SLC25A40: variants seen among roughly 807,000 people sequenced by gnomAD.
SLC25A40 encodes the protein solute carrier family 25 member 40.
In SLC25A40, 41 loss-of-function variants were observed where a neutral mutation model predicts 46.5. That is an observed-to-expected ratio of 0.88 (90% CI 0.69 to 1.14). The LOEUF (loss-of-function observed/expected upper bound fraction) is 1.14, where lower values mean the gene tolerates loss of function less well. SLC25A40 is among the 50% of genes most tolerant of loss of function. The pLI, the probability that SLC25A40 is intolerant of heterozygous loss-of-function variation, is 0.00. For synonymous variants in SLC25A40, 126 were observed against 127.5 expected (o/e 0.99, Z 0.08); for missense variants, 386 against 393.6 (o/e 0.98, Z 0.16).
Position 87,835,048 on chromosome 7 carries a change from C to T in SLC25A40, c.*1201G>A, listed in dbSNP as rs1365167907. On this transcript the variant is annotated 3_prime_UTR_variant, in exon 12 of 12. Coordinates refer to ENST00000341119, the MANE Select transcript of SLC25A40 (RefSeq NM_018843.4). ...TTTTAGGGGAGAAAAAAATGCTTCA[C>T]ATTTTTCTAAAATAAAGACTGCAAT... 1.3e-5 allele frequency: 2 copies of T among 151,178 alleles called. No homozygotes were observed. Among genetic ancestry groups the T allele is most frequent in the African/African-American group, 4.8e-5 (2 of 41,302 alleles). 9.4% of individuals were successfully genotyped at this position (151,178 alleles called of 1,614,324 possible).
chr7:87,843,594 G>C (rs192837396), intron 9 of SLC25A40, among the ~76,000 whole-genome samples, 160 bp downstream of exon 9: 53 of 152,038 alleles, frequency 3.5e-4, no homozygotes, highest in Middle Eastern at 3.4e-3. Context: ...TATTTTATTT[G>C]CTAATAATTT....
intron 10 of SLC25A40, among the ~76,000 whole-genome samples, chr7:87,837,739 G>T (rs1838276928): frequency 6.6e-6 from 1 of 150,746 alleles, no homozygotes; most frequent in African/African-American, 2.4e-5. Flanking sequence ...TAAGAACCAG[G>T]CACACTACCA....
chr7:87,846,567 C>G (rs17251889), intron 8 of SLC25A40, among the ~76,000 whole-genome samples: 2,287 of 152,174 alleles, frequency 0.015, 28 homozygotes, highest in Non-Finnish European at 0.024. Flanking sequence ...AAAGTAGGAG[C>G]CCATATAATT....
intron 1 of SLC25A40, among the ~76,000 whole-genome samples, chr7:87,867,159 A>G (rs768849029): frequency 4.2e-4 from 64 of 152,240 alleles, no homozygotes; most frequent in Non-Finnish European, 6.9e-4. Context: ...ATCTTTCTCA[A>G]GTTTGGGAAA....
chr7:87,862,685 C>A lies in SLC25A40; in HGVS notation c.-93-2045G>T, dbSNP rs138769635. On this transcript the variant is annotated intron_variant, in intron 1 of 11. Coordinates refer to ENST00000341119, the MANE Select transcript of SLC25A40 (RefSeq NM_018843.4). ...TTTACCTTCTGTATTAGTCTGTTTT[C>A]ACACTACTGATAAAGACATACCCAA... is the stretch of plus-strand genomic sequence containing the variant. Among the ~76,000 whole-genome samples the A allele has an allele frequency of 6.9e-3, 1,055 of 152,266 alleles. 12 individuals are homozygous for A. Among genetic ancestry groups the A allele is most frequent in the African/African-American group, 0.023 (975 of 41,546 alleles).
intron 1 of SLC25A40, among the ~76,000 whole-genome samples, chr7:87,873,049 T>C (rs143738689): frequency 6.6e-6 from 1 of 152,310 alleles, no homozygotes; most frequent in Non-Finnish European, 1.5e-5. Context: ...AGTGAGACTA[T>C]GAAATGTGAA....
At chr7:87,852,697 T>G (rs947425037) in intron 5 of SLC25A40, among the ~76,000 whole-genome samples, 10 of 152,122 alleles carry the variant, frequency 6.6e-5, no homozygotes, top group African/African-American at 2.4e-4. Flanking sequence ...TGGAACAGAA[T>G]AGAAAACTCA....
At position 87,859,243 on chromosome 7, in the gene SLC25A40, G is replaced by T. The variant is rs547677581; in HGVS notation, c.-24-492C>A. ...GCCGAGGCGGGCGCATCATGAGGTC[G>T]GGAGATCGAGACCAACCTGGCTAAC... On this transcript the variant is annotated intron_variant, in intron 2 of 11. Coordinates refer to ENST00000341119, the MANE Select transcript of SLC25A40 (RefSeq NM_018843.4). Among the ~76,000 whole-genome samples the T allele has an allele frequency of 4.6e-5, 7 of 151,818 alleles. No homozygotes were observed. The South Asian group carries it at 8.3e-4, about 18-fold the overall frequency.
intron 5 of SLC25A40, 68 bp from the exon 6 acceptor site, chr7:87,850,016 G>T: frequency 2.1e-6 from 2 of 955,464 alleles, no homozygotes; most frequent in East Asian, 2.9e-5. Flanking sequence ...AATTTATACT[G>T]ATGATTGGTA....
At chr7:87,840,465 T>G (rs1838315865) in intron 10 of SLC25A40, among the ~76,000 whole-genome samples, 1 of 151,764 alleles carries the variant, frequency 6.6e-6, no homozygotes, top group Non-Finnish European at 1.5e-5. Context: ...ATTCCCATCT[T>G]TTCCCTTATC....
intron 5 of SLC25A40, among the ~76,000 whole-genome samples, chr7:87,852,186 C>G (rs1454699465): frequency 6.6e-6 from 1 of 152,064 alleles, no homozygotes; most frequent in Admixed American, 6.6e-5. Context: ...CCAATAAATA[C>G]CCTGGCAATA....
At chr7:87,852,190 G>A (rs10276819) in intron 5 of SLC25A40, among the ~76,000 whole-genome samples, 21,696 of 152,036 alleles carry the variant, frequency 0.14, 2,514 homozygotes, top group African/African-American at 0.32. Flanking sequence ...TAAATACCCT[G>A]GCAATATTTT....
At chr7:87,849,780 G>A in intron 6 of SLC25A40, 101 bp downstream of exon 6, 3 of 802,944 alleles carry the variant, frequency 3.7e-6, no homozygotes, top group Non-Finnish European at 5.7e-6. Context: ...GAAAATGAAA[G>A]CATTCTAATA....
At position 87,836,753 on chromosome 7, in the gene SLC25A40, T is replaced by C. The variant is rs139396104; in HGVS notation, c.881A>G (p.Asn294Ser). The C allele has an allele frequency of 1.9e-6, 3 of 1,549,828 alleles. No homozygotes were observed. The highest frequency in any genetic ancestry group is 8.7e-7 in the Non-Finnish European group (1 of 1,151,928). The change falls in exon 11 of 12, where the codon AAT (asparagine) becomes AGT (serine). Residue 294 changes from asparagine to serine, a missense_variant. Coordinates refer to ENST00000341119, the MANE Select transcript of SLC25A40 (RefSeq NM_018843.4). ...ACCTGAAAATAATCCGGAAAATCCA[T>C]TTTTAGCAACAATGTTCTTCATTAT... Reference protein sequence around the residue: ...WIIMKNIVAKNGFSGLFSGLI... With the variant: ...WIIMKNIVAKSGFSGLFSGLI...
intron 10 of SLC25A40, among the ~76,000 whole-genome samples, chr7:87,839,530 T>C (rs982863661): frequency 2.0e-5 from 3 of 151,412 alleles, no homozygotes; most frequent in Non-Finnish European, 4.4e-5. Flanking sequence ...ACAAGTAAAT[T>C]TGGGCCAGGT....
chr7:87,862,061 C>G (rs929748661), intron 1 of SLC25A40, among the ~76,000 whole-genome samples: 3 of 152,014 alleles, frequency 2.0e-5, no homozygotes, highest in African/African-American at 7.2e-5. Context: ...CTTGGGAGTA[C>G]AGGTAGAAAA....
chr7:87,854,578 C>T (rs895645750), intron 4 of SLC25A40, among the ~76,000 whole-genome samples: 19 of 151,838 alleles, frequency 1.3e-4, no homozygotes, highest in African/African-American at 3.9e-4. Flanking sequence ...TTTGGGAGGC[C>T]GAGGCAGGCG....
At chr7:87,847,804 C>A in intron 7 of SLC25A40, 49 bp downstream of exon 7, 2 of 1,559,540 alleles carry the variant, frequency 1.3e-6, no homozygotes, top group Non-Finnish European at 8.6e-7. Flanking sequence ...ACAACTTAAA[C>A]AGAAGCTCTA....
chr7:87,875,857 C>T (rs781275511), intron 1 of SLC25A40, among the ~76,000 whole-genome samples: 272 of 152,322 alleles, frequency 1.8e-3, no homozygotes, highest in Non-Finnish European at 3.1e-3. Flanking sequence ...CCCCCGGGGC[C>T]GCCCTCACTC....
Sources: gnomAD v4.1 joint callset for allele counts (sites outside exome capture counted in the v4.1 genomes callset) on GRCh38, gnomAD v4.1.1 for gene constraint, MANE v1.5 for transcripts, NCBI Gene and HGNC (gene_info 2026-07-23, HGNC 2026-07-21) for gene names.